RBM15B: variants seen among roughly 807,000 people sequenced by gnomAD.
RBM15B encodes the protein RNA binding motif protein 15B.
A neutral mutation model predicts 53.3 loss-of-function variants in RBM15B; 11 were observed. That is an observed-to-expected ratio of 0.21 (90% confidence interval 0.13 to 0.34). RBM15B has a LOEUF of 0.34. Ranked by LOEUF, RBM15B falls within the 10% of genes least tolerant of loss-of-function variation. The probability of loss-of-function intolerance (pLI) is 1.00; values close to 1 mark genes in which losing one functional copy is unlikely to be tolerated. For synonymous variants in RBM15B, 631 were observed against 540.7 expected (o/e 1.17, Z -2.32); for missense variants, 1,136 against 1,250.3 (o/e 0.91, Z 1.38).
chr3:51,391,870 C>G lies in RBM15B; in HGVS notation c.471C>G (p.Asp157Glu). The change falls in exon 1 of 1, where the codon GAC becomes GAG. Residue 157 changes from aspartate to glutamate, a missense_variant. By Grantham distance (45) the Asp-to-Glu change is conservative. Around this residue, in one of 7 missense-constraint regions of RBM15B, gnomAD observed 257 missense variants for 261.1 expected, o/e 0.98. Transcript: ENST00000563281. This position sits in a 1 kb window ranked among gnomAD's most constrained non-coding sequence, Gnocchi z 4.5. Reference protein sequence around the residue: ...SPALPAEHLEDRLFHQFKRFG... With the variant: ...SPALPAEHLEERLFHQFKRFG... ...CGCTGCCCGCCGAGCACCTCGAGGA[C>G]CGGCTCTTCCACCAGTTCAAGCGCT... 2 of 1,603,902 alleles carry G rather than the reference C, an allele frequency of 1.2e-6. No individual in the cohort carries two copies. Among genetic ancestry groups the G allele is most frequent in the Non-Finnish European group, 1.7e-6 (2 of 1,179,434 alleles).
rs1553621641 is a variant in RBM15B at position 51,392,074 on chromosome 3, C to T, written c.675C>T (p.Ser225=). ...TGTACCTGCGTGGCGGCGGCGGGAG[C>T]AGTCGGCGAAGTAGCAGCAGCAGCG... ...EPVYLRGGGG[S]SRRSSSSSAA... Residue 225 remains serine (S), a synonymous_variant, in exon 1 of 1, where the codon AGC becomes AGT. Coordinates refer to ENST00000563281, the MANE Select transcript of RBM15B (RefSeq NM_013286.5). This position sits in a 1 kb window ranked among gnomAD's most constrained non-coding sequence, Gnocchi z 7.5. 3.8e-6 allele frequency: 6 copies of T among 1,570,972 alleles called. No individual in the cohort carries two copies. Among genetic ancestry groups the T allele is most frequent in the African/African-American group, 1.4e-5 (1 of 73,768 alleles).
Position 51,391,885 on chromosome 3 carries a change from G to A in RBM15B, c.486G>A (p.Gln162=), listed in dbSNP as rs1236850459. Residue 162 remains glutamine (Q), a synonymous_variant, in exon 1 of 1, where the codon CAG becomes CAA. Coordinates refer to ENST00000563281, the MANE Select transcript of RBM15B (RefSeq NM_013286.5). This position sits in a 1 kb window ranked among gnomAD's most constrained non-coding sequence, Gnocchi z 4.5. ...AEHLEDRLFH[Q]FKRFGEISLR... Reference sequence around the variant, plus strand: ...ACCTCGAGGACCGGCTCTTCCACCAGTTCAAGCGCTTCGGCGAGATCAGCC... The same window carrying A: ...ACCTCGAGGACCGGCTCTTCCACCAATTCAAGCGCTTCGGCGAGATCAGCC... 1.2e-5 allele frequency: 19 copies of A among 1,603,926 alleles called. No homozygotes were observed. The highest frequency in any genetic ancestry group is 1.6e-5 in the Non-Finnish European group (19 of 1,179,378).
chr3:51,393,280 C>T lies in RBM15B; in HGVS notation c.1881C>T (p.Gly627=). Residue 627 remains glycine (G), a synonymous_variant, in exon 1 of 1, where the codon GGC becomes GGT. Coordinates refer to ENST00000563281, the MANE Select transcript of RBM15B (RefSeq NM_013286.5). The surrounding 1 kb of genome is among the most constrained non-coding windows in gnomAD (Gnocchi z 5.6). The stretch of plus-strand genomic sequence containing the variant: ...GCAGTGGGCAGCAGTCAGAGCGGGG[C>T]TCCGACCGCACCCCTGAGCGCAGCC... ...TKGSGQQSER[G]SDRTPERSRK... is the part of the protein sequence containing the mutation. 1 of 1,611,508 alleles carries T rather than the reference C, an allele frequency of 6.2e-7. No homozygotes were observed. Among genetic ancestry groups the T allele is most frequent in the Non-Finnish European group, 8.5e-7 (1 of 1,178,864 alleles).
Position 51,393,839 on chromosome 3 carries a change from C to A in RBM15B, c.2440C>A (p.Pro814Thr). 1 of 1,606,254 alleles carries A rather than the reference C, an allele frequency of 6.2e-7. No individual in the cohort carries two copies. The highest frequency in any genetic ancestry group is 8.5e-7 in the Non-Finnish European group (1 of 1,176,880). ...CACTGAGGGGATGCCCACAGTAGAG[C>A]CCGGTCTGCAGAGGCGGCTTCTCAG... ...LGTEGMPTVE[P>T]GLQRRLLRNL... Residue 814 changes from proline (P) to threonine (T), a missense_variant, in exon 1 of 1, where the codon CCC becomes ACC. This residue lies in a region of RBM15B where 578 missense variants were observed against 581.6 expected (regional missense o/e 0.99). Coordinates refer to ENST00000563281, the MANE Select transcript of RBM15B (RefSeq NM_013286.5). This position sits in a 1 kb window ranked among gnomAD's most constrained non-coding sequence, Gnocchi z 5.6.
Position 51,395,656 on chromosome 3 carries a change from CCT to C in RBM15B, c.*1590_*1591del, listed in dbSNP as rs1203211476. ...CTCCAGGTTCTGCTGGCCGTGGCATCCTCTCTCCAGGTCTGCTCCCTTACCGG... is the reference window on the plus strand; with the variant it reads ...CTCCAGGTTCTGCTGGCCGTGGCATCCTCTCCAGGTCTGCTCCCTTACCGG... On this transcript the variant is annotated 3_prime_UTR_variant, in exon 1 of 1. Coordinates refer to ENST00000563281, the MANE Select transcript of RBM15B (RefSeq NM_013286.5). 3 of 411,144 alleles carry C rather than the reference CCT, an allele frequency of 7.3e-6. No homozygotes were observed. Among genetic ancestry groups the C allele is most frequent in the Non-Finnish European group, 1.3e-5 (3 of 225,350 alleles). The allele number at this position is 411,144 out of a possible 1,614,324, so 25.5% of individuals were successfully genotyped here.
In RBM15B at chr3:51,394,299, G is replaced by A; in HGVS notation, c.*227G>A. ...GAATCCGGTTATGTTGATTTCTAGT[G>A]TACAAGATACTGTCTGCTGTGGTTC... On this transcript the variant is annotated 3_prime_UTR_variant, in exon 1 of 1. Transcript: ENST00000563281. 1.9e-6 allele frequency: 1 copy of A among 516,728 alleles called. No homozygotes were observed. Among genetic ancestry groups the A allele is most frequent in the Non-Finnish European group, 3.0e-6 (1 of 328,006 alleles). 32.0% of individuals were successfully genotyped at this position (516,728 alleles called of 1,614,324 possible). A position where few individuals can be genotyped will look rare whatever the true frequency, so the allele number is the denominator to read the frequency against.
chr3:51,392,082 G>A lies in RBM15B; in HGVS notation c.683G>A (p.Arg228Gln). Residue 228 changes from arginine to glutamine, a missense_variant, in exon 1 of 1, where the codon CGA becomes CAA. Physicochemically the swap from Arg to Gln is conservative, Grantham distance 43 (BLOSUM62 1). Transcript: ENST00000563281. The surrounding 1 kb of genome is among the most constrained non-coding windows in gnomAD (Gnocchi z 7.5). ...YLRGGGGSSRRSSSSSAAAST... is the reference protein window; with the variant it reads ...YLRGGGGSSRQSSSSSAAAST... Reference sequence around the variant, plus strand: ...CGTGGCGGCGGCGGGAGCAGTCGGCGAAGTAGCAGCAGCAGCGCCGCCGCT... The same window carrying A: ...CGTGGCGGCGGCGGGAGCAGTCGGCAAAGTAGCAGCAGCAGCGCCGCCGCT... The A allele has an allele frequency of 6.4e-7, 1 of 1,558,324 alleles. No individual in the cohort carries two copies. Among genetic ancestry groups the A allele is most frequent in the Non-Finnish European group, 8.6e-7 (1 of 1,160,778 alleles).
Position 51,394,830 on chromosome 3 carries a change from G to A in RBM15B, c.*758G>A, listed in dbSNP as rs1218908756. 6.0e-6 allele frequency: 1 copy of A among 167,166 alleles called. No homozygotes were observed. The highest frequency in any genetic ancestry group is 2.4e-5 in the African/African-American group (1 of 41,432). 10.4% of individuals were successfully genotyped at this position (167,166 alleles called of 1,614,324 possible). On this transcript the variant is annotated 3_prime_UTR_variant, in exon 1 of 1. Transcript: ENST00000563281. Reference sequence around the variant, plus strand: ...GTAGTCTTGTACAAGGAGAAGCTGTGCACTGTTGATGCCAGGGGGTCTCGG... The same window carrying A: ...GTAGTCTTGTACAAGGAGAAGCTGTACACTGTTGATGCCAGGGGGTCTCGG...
chr3:51,392,994 C>T lies in RBM15B; in HGVS notation c.1595C>T (p.Thr532Met). The change falls in exon 1 of 1, where the codon ACG becomes ATG. Residue 532 changes from threonine (T) to methionine (M), a missense_variant. By Grantham distance (81) the Thr-to-Met change is moderately conservative. Around this residue, in one of 7 missense-constraint regions of RBM15B, gnomAD observed 578 missense variants for 581.6 expected, o/e 0.99. Coordinates refer to ENST00000563281, the MANE Select transcript of RBM15B (RefSeq NM_013286.5). This position sits in a 1 kb window ranked among gnomAD's most constrained non-coding sequence, Gnocchi z 7.5. ...NLDADLVRDR[T>M]PPHLLYSDRD... is the part of the protein sequence containing the mutation. ...GACGCCGACCTGGTGCGGGACAGGACGCCCCCACACCTTCTGTACTCAGAC... is the reference window on the plus strand; with the variant it reads ...GACGCCGACCTGGTGCGGGACAGGATGCCCCCACACCTTCTGTACTCAGAC... 1 of 1,613,734 alleles carries T rather than the reference C, an allele frequency of 6.2e-7. No homozygotes were observed. The highest frequency in any genetic ancestry group is 8.5e-7 in the Non-Finnish European group (1 of 1,179,958).
rs781807646 is a variant in RBM15B, at chr3:51,392,986, G to C, written c.1587G>C (p.Arg529=). ...GCAACCTGGACGCCGACCTGGTGCG[G>C]GACAGGACGCCCCCACACCTTCTGT... is the stretch of plus-strand genomic sequence containing the variant. ...RHRNLDADLV[R]DRTPPHLLYS... The change falls in exon 1 of 1, where the codon CGG becomes CGC. Residue 529 remains arginine, a synonymous_variant. Coordinates refer to ENST00000563281, the MANE Select transcript of RBM15B (RefSeq NM_013286.5). This position sits in a 1 kb window ranked among gnomAD's most constrained non-coding sequence, Gnocchi z 7.5. 6.2e-7 allele frequency: 1 copy of C among 1,613,662 alleles called. No homozygotes were observed. The highest frequency in any genetic ancestry group is 1.3e-5 in the African/African-American group (1 of 74,924).
Position 51,392,965 on chromosome 3 carries a change from C to G in RBM15B, c.1566C>G (p.Asn522Lys). The G allele has an allele frequency of 6.2e-7, 1 of 1,613,800 alleles. No homozygotes were observed. Among genetic ancestry groups the G allele is most frequent in the South Asian group, 1.1e-5 (1 of 91,086 alleles). The change falls in exon 1 of 1, where the codon AAC becomes AAG. Residue 522 changes from asparagine (N) to lysine (K), a missense_variant. This residue lies in a region of RBM15B where 578 missense variants were observed against 581.6 expected (regional missense o/e 0.99). Transcript: ENST00000563281. The surrounding 1 kb of genome is among the most constrained non-coding windows in gnomAD (Gnocchi z 7.5). ...LLTDGYTRHR[N>K]LDADLVRDRT... ...CAGATGGATACACCCGGCACCGCAA[C>G]CTGGACGCCGACCTGGTGCGGGACA...
chr3:51,394,899 C>A lies in RBM15B; in HGVS notation c.*827C>A, dbSNP rs369797337. 1.8e-5 allele frequency: 3 copies of A among 167,218 alleles called. No homozygotes were observed. The highest frequency in any genetic ancestry group is 4.4e-5 in the Non-Finnish European group (3 of 68,238). 10.4% of individuals were successfully genotyped at this position (167,218 alleles called of 1,614,324 possible). ...GCTCCTGGTTCGGCCTACTTTCTAG[C>A]CTCACTCAGCCCAGGGATAGCCAGT... On this transcript the variant is annotated 3_prime_UTR_variant, in exon 1 of 1. Transcript: ENST00000563281.
chr3:51,396,023 C>T lies in RBM15B; in HGVS notation c.*1951C>T, dbSNP rs1437527845. ...GCCAGAAACAGGAGTGGGTCTTGTC[C>T]TGTTGCAGGCACACTGCAGTGGTTT... On this transcript the variant is annotated 3_prime_UTR_variant, in exon 1 of 1. Coordinates refer to ENST00000563281, the MANE Select transcript of RBM15B (RefSeq NM_013286.5). 1.2e-5 allele frequency: 5 copies of T among 412,380 alleles called. No homozygotes were observed. Among genetic ancestry groups the T allele is most frequent in the Non-Finnish European group, 2.2e-5 (5 of 225,866 alleles). 25.5% of individuals were successfully genotyped at this position (412,380 alleles called of 1,614,324 possible).
In RBM15B at chr3:51,396,179, T is replaced by G. The variant is rs1426613578; in HGVS notation, c.*2107T>G. 2.7e-6 allele frequency: 1 copy of G among 376,898 alleles called. No individual in the cohort carries two copies. 23.3% of individuals were successfully genotyped at this position (376,898 alleles called of 1,614,324 possible). ...AGGTGCTCAGGACCCGGAAGAATCA[T>G]CTACCTCCCAGCTTTGTGAGACAGA... On this transcript the variant is annotated 3_prime_UTR_variant, in exon 1 of 1. Coordinates refer to ENST00000563281, the MANE Select transcript of RBM15B (RefSeq NM_013286.5).
In RBM15B at chr3:51,393,455, C is replaced by T. The variant is rs1333647626; in HGVS notation, c.2056C>T (p.Arg686Cys). 15 of 1,613,742 alleles carry T rather than the reference C, an allele frequency of 9.3e-6. No homozygotes were observed. The highest frequency in any genetic ancestry group is 1.3e-5 in the Non-Finnish European group (15 of 1,179,962). Residue 686 changes from arginine to cysteine, a missense_variant, in exon 1 of 1, where the codon CGC becomes TGC. Arg to Cys is a radical substitution (Grantham distance 180). Around this residue, in one of 7 missense-constraint regions of RBM15B, gnomAD observed 578 missense variants for 581.6 expected, o/e 0.99. Coordinates refer to ENST00000563281, the MANE Select transcript of RBM15B (RefSeq NM_013286.5). This position sits in a 1 kb window ranked among gnomAD's most constrained non-coding sequence, Gnocchi z 5.6. ...SHGKKARDSE[R>C]NHRTTEAEPK... ...CGGGAAGAAGGCAAGAGACAGCGAG[C>T]GCAATCACCGGACCACAGAGGCCGA... is the stretch of plus-strand genomic sequence containing the variant.
In RBM15B at chr3:51,393,251, A is replaced by G. The variant is rs1553621925; in HGVS notation, c.1852A>G (p.Lys618Glu). ...ACCATATGAGGAACGGAGTAGGACC[A>G]AGGGCAGTGGGCAGCAGTCAGAGCG... ...HSPYEERSRT[K>E]GSGQQSERGS... The change falls in exon 1 of 1, where the codon AAG becomes GAG. Residue 618 changes from lysine to glutamate, a missense_variant. By Grantham distance (56) the Lys-to-Glu change is moderately conservative (BLOSUM62 1). Around this residue, in one of 7 missense-constraint regions of RBM15B, gnomAD observed 578 missense variants for 581.6 expected, o/e 0.99. Transcript: ENST00000563281. This position sits in a 1 kb window ranked among gnomAD's most constrained non-coding sequence, Gnocchi z 5.6. 6.2e-7 allele frequency: 1 copy of G among 1,613,578 alleles called. No individual in the cohort carries two copies. The highest frequency in any genetic ancestry group is 8.5e-7 in the Non-Finnish European group (1 of 1,179,768).
Position 51,391,828 on chromosome 3 carries a change from C to A in RBM15B, c.429C>A (p.Ile143=). 6.2e-7 allele frequency: 1 copy of A among 1,602,006 alleles called. No homozygotes were observed. Among genetic ancestry groups the A allele is most frequent in the East Asian group, 2.2e-5 (1 of 44,744 alleles). The change falls in exon 1 of 1, where the codon ATC becomes ATA. Residue 143 remains isoleucine (I), a synonymous_variant. Transcript: ENST00000563281. This position sits in a 1 kb window ranked among gnomAD's most constrained non-coding sequence, Gnocchi z 4.5. ...CGCCTGAGTACAAGACGTTGCTCAT[C>A]AGCAGCTTGAGCCCCGCGCTGCCCG... ...AAAPEYKTLL[I]SSLSPALPAE...
Position 51,391,287 on chromosome 3 carries a change from G to A in RBM15B, c.-113G>A, listed in dbSNP as rs1374618970. Reference sequence around the variant, plus strand: ...CGCCCCGCCCCGCCGCCACCGCCGCGCCGAGTCCTTTTGTCCAAGATGGCG... The same window carrying A: ...CGCCCCGCCCCGCCGCCACCGCCGCACCGAGTCCTTTTGTCCAAGATGGCG... On this transcript the variant is annotated 5_prime_UTR_variant, in exon 1 of 1. Transcript: ENST00000563281. The surrounding 1 kb of genome is among the most constrained non-coding windows in gnomAD (Gnocchi z 4.5). 8.3e-6 allele frequency: 7 copies of A among 843,810 alleles called. 1 individual carries two copies. Among genetic ancestry groups the A allele is most frequent in the African/African-American group, 5.3e-5 (3 of 56,412 alleles). 52.3% of individuals were successfully genotyped at this position (843,810 alleles called of 1,614,324 possible). A position where few individuals can be genotyped will look rare whatever the true frequency, so the allele number is the denominator to read the frequency against.
At position 51,393,730 on chromosome 3, in the gene RBM15B, CGAG is replaced by C. The variant is rs1553622052; in HGVS notation, c.2333_2335del (p.Glu778del). On this transcript the variant is annotated inframe_deletion, in exon 1 of 1. Coordinates refer to ENST00000563281, the MANE Select transcript of RBM15B (RefSeq NM_013286.5). This position sits in a 1 kb window ranked among gnomAD's most constrained non-coding sequence, Gnocchi z 5.6. ...TTCGACTGGACCAGCCCAAGCTTGACGAGGTCACACGACGCATCAAGCAGGGGA... is the reference window on the plus strand; with the variant it reads ...TTCGACTGGACCAGCCCAAGCTTGACGTCACACGACGCATCAAGCAGGGGA... The C allele has an allele frequency of 6.2e-7, 1 of 1,613,632 alleles. No homozygotes were observed. Among genetic ancestry groups the C allele is most frequent in the Admixed American group, 1.7e-5 (1 of 60,000 alleles).
Sources: gnomAD v4.1 joint callset for allele counts on GRCh38, gnomAD v4.1.1 for gene constraint, gnomAD v4.1.1 regional missense constraint, Gnocchi (gnomAD v3.1) non-coding constraint, MANE v1.5 for transcripts, NCBI Gene and HGNC (gene_info 2026-07-23, HGNC 2026-07-21) for gene names.